The following C1QTNF3 variants were observed in gnomAD, a reference collection of about 807,000 sequenced individuals.
C1QTNF3 encodes the protein complement C1q tumor necrosis factor-related protein 3.
In C1QTNF3, 26 loss-of-function variants were observed where a neutral mutation model predicts 32.6. The observed-to-expected ratio is 0.80, with a 90% CI of 0.58 to 1.11. The LOEUF (loss-of-function observed/expected upper bound fraction) is 1.11, where lower values mean the gene tolerates loss of function less well. Ranked by LOEUF, C1QTNF3 falls within the 50% of genes least tolerant of loss-of-function variation. The pLI, the probability that C1QTNF3 is intolerant of heterozygous loss-of-function variation, is 0.00. For synonymous variants in C1QTNF3, 155 were observed against 146.0 expected, an observed-to-expected ratio of 1.06 and a Z score of -0.44; for missense variants, 362 against 398.2, an observed-to-expected ratio of 0.91 and a Z score of 0.77.
the C1QTNF3 span, chr5:34,199,658 AAAT>A: frequency 4.1e-4 from 56 of 135,342 alleles, no homozygotes; most frequent in Admixed American, 3.4e-3. Flanking sequence ...CTTATGTAAC[AAAT>A]AATAAGACAA....
intron 2 of C1QTNF3, 23 bp from the exon 3 acceptor site, chr5:34,033,481 CAT>C (rs762573935): frequency 1.9e-6 from 3 of 1,614,110 alleles, no homozygotes; most frequent in Non-Finnish European, 2.5e-6. Context: ...GACATCATCA[CAT>C]GAGAAAACCC....
the C1QTNF3 span, among the ~76,000 whole-genome samples, chr5:34,057,844 C>G: frequency 2.6e-5 from 4 of 152,120 alleles, no homozygotes; most frequent in Non-Finnish European, 5.9e-5. Context: ...TTTTTAGAGC[C>G]CACAGTTTCT....
chr5:34,047,344 T>G (rs938544958), upstream of C1QTNF3, among the ~76,000 whole-genome samples: 13 of 152,248 alleles, frequency 8.5e-5, no homozygotes, highest in African/African-American at 2.7e-4. Flanking sequence ...GTGACTCAGC[T>G]TTGCAAGGCA....
At chr5:34,043,988 A>G (rs1300359641), upstream of C1QTNF3, among the ~76,000 whole-genome samples, 1 of 152,190 alleles carries the variant, frequency 6.6e-6, no homozygotes, top group Non-Finnish European at 1.5e-5. Flanking sequence ...CTGTAATCCC[A>G]GCACCTTGAG....
At chr5:34,230,655 T>C in the C1QTNF3 span, among the ~76,000 whole-genome samples, 1 of 152,228 alleles carries the variant, frequency 6.6e-6, no homozygotes, top group Non-Finnish European at 1.5e-5. Context: ...ATCTAGTTTG[T>C]ATTTTACATA....
At chr5:34,196,821 G>T in the C1QTNF3 span, among the ~76,000 whole-genome samples, 1 of 151,352 alleles carries the variant, frequency 6.6e-6, no homozygotes, top group Admixed American at 6.6e-5. Flanking sequence ...CACCACGCCC[G>T]GCTAATTTTT....
At chr5:34,170,722 C>A in the C1QTNF3 span, among the ~76,000 whole-genome samples, 12 of 152,086 alleles carry the variant, frequency 7.9e-5, no homozygotes, top group African/African-American at 2.4e-4. Flanking sequence ...TAATTTCCTA[C>A]GGTGATAACA....
chr5:34,138,613 TTTC>T, the C1QTNF3 span, among the ~76,000 whole-genome samples: 1 of 152,006 alleles, frequency 6.6e-6, no homozygotes, highest in South Asian at 2.1e-4. Flanking sequence ...CAATTTTACT[TTTC>T]CTGTCATGAA....
At chr5:34,177,490 T>TA in the C1QTNF3 span, among the ~76,000 whole-genome samples, 1,330 of 145,424 alleles carry the variant, frequency 9.1e-3, 21 homozygotes, top group African/African-American at 0.032. Flanking sequence ...CTTTTTTTTT[T>TA]TTTTTTTTTT....
the C1QTNF3 span, among the ~76,000 whole-genome samples, chr5:34,173,572 T>A: frequency 8.1e-6 from 1 of 123,496 alleles, no homozygotes; most frequent in Non-Finnish European, 1.7e-5. Context: ...TTTATCTATA[T>A]CTATGACAAA....
At chr5:34,101,814 T>C in the C1QTNF3 span, among the ~76,000 whole-genome samples, 1 of 151,742 alleles carries the variant, frequency 6.6e-6, no homozygotes, top group Non-Finnish European at 1.5e-5. Flanking sequence ...TAAACCTCTG[T>C]TCATGTGCCC....
chr5:34,139,312 T>C, the C1QTNF3 span, among the ~76,000 whole-genome samples: 1 of 151,970 alleles, frequency 6.6e-6, no homozygotes, highest in African/African-American at 2.4e-5. Flanking sequence ...TTATAGAATA[T>C]TAAAAAATAA....
chr5:34,114,252 T>C, the C1QTNF3 span, among the ~76,000 whole-genome samples: 28 of 152,200 alleles, frequency 1.8e-4, no homozygotes, highest in Non-Finnish European at 3.7e-4. Flanking sequence ...TTAATTGCAA[T>C]TCATCTTTGA....
At chr5:34,167,542 T>C in the C1QTNF3 span, 3 of 152,212 alleles carry the variant, frequency 2.0e-5, no homozygotes, top group African/African-American at 7.2e-5. Flanking sequence ...TTAAAAACCA[T>C]TGTTCCCGTC....
chr5:34,061,275 C>T, the C1QTNF3 span, among the ~76,000 whole-genome samples: 1 of 152,182 alleles, frequency 6.6e-6, no homozygotes, highest in Non-Finnish European at 1.5e-5. Context: ...AGGGTACAGC[C>T]TCCTTCACAG....
At chr5:34,211,858 C>T in the C1QTNF3 span, among the ~76,000 whole-genome samples, 2 of 152,032 alleles carry the variant, frequency 1.3e-5, no homozygotes, top group South Asian at 2.1e-4. Context: ...AATGCCATCC[C>T]CATCAAGCTA....
intron 4 of C1QTNF3, among the ~76,000 whole-genome samples, chr5:34,026,474 GA>G (rs1754462154): frequency 8.4e-6 from 1 of 119,470 alleles, no homozygotes; most frequent in Non-Finnish European, 1.7e-5. Flanking sequence ...AAAAAAAAAA[GA>G]AAAGAAAAGA....
the C1QTNF3 span, among the ~76,000 whole-genome samples, chr5:34,091,842 A>AT: frequency 6.6e-6 from 1 of 151,916 alleles, no homozygotes; most frequent in South Asian, 2.1e-4. Flanking sequence ...TTTTGTAATT[A>AT]TTTTTTATAT....
chr5:34,229,439 C>T, the C1QTNF3 span, among the ~76,000 whole-genome samples: 1 of 152,110 alleles, frequency 6.6e-6, no homozygotes, highest in Non-Finnish European at 1.5e-5. Flanking sequence ...GCAATCTTGA[C>T]ATAAACTAAC....
Sources: gnomAD v4.1 joint callset for allele counts (sites outside exome capture counted in the v4.1 genomes callset) on GRCh38, gnomAD v4.1.1 for gene constraint, MANE v1.5 for transcripts, NCBI Gene and HGNC (gene_info 2026-07-23, HGNC 2026-07-21) for gene names.